Variants in LIMCH1 observed in about 807,000 individuals in gnomAD.
The protein encoded by LIMCH1 is LIM and calponin homology domains 1, also known as LIM and calponin homology domains-containing protein 1.
LIMCH1 carries 113 observed loss-of-function variants against 176.5 expected under a neutral mutation model. That is an observed-to-expected ratio of 0.64 (90% CI 0.55 to 0.75). The LOEUF (loss-of-function observed/expected upper bound fraction) is 0.75, where lower values mean the gene tolerates loss of function less well. Among genes scored for constraint, LIMCH1 ranks in the 30% least tolerant of loss-of-function variants. The pLI, the probability that LIMCH1 is intolerant of heterozygous loss-of-function variation, is 0.00. For synonymous variants in LIMCH1, 619 were observed against 645.9 expected (o/e 0.96, Z 0.63); for missense variants, 1,674 against 1,814.9 (o/e 0.92, Z 1.41).
rs1182835906 is a variant in LIMCH1, at chr4:41,613,520, G to A, written c.64G>A (p.Asp22Asn). Residue 22 changes from aspartate (D) to asparagine (N), a missense_variant, in exon 5 of 32, where the codon GAC (aspartate) becomes AAC (asparagine). Transcript: ENST00000503057. ...KRSIRDSGYI[D>N]CWDSERSDSL... is the part of the protein sequence containing the mutation. ...CAGTATCCGAGACAGTGGCTACATC[G>A]ACTGCTGGGATTCCGAGCGCAGCGA... 3 of 1,613,918 alleles carry A rather than the reference G, an allele frequency of 1.9e-6. No homozygotes were observed. The highest frequency in any genetic ancestry group is 2.2e-5 in the East Asian group (1 of 44,862).
In LIMCH1 at chr4:41,502,088, A is replaced by T. The variant is rs1363507478; in HGVS notation, c.167+7482A>T. On this transcript the variant is annotated intron_variant, in intron 2 of 26. Transcript: ENST00000313860. The stretch of plus-strand genomic sequence containing the variant: ...TCCCCCTGCCACACTGACAGGCCCC[A>T]GTGTGTGTTGTTCCCCCTATTGTCC... 2.8e-5 allele frequency among the ~76,000 whole-genome samples: 3 copies of T among 106,318 alleles called. No individual in the cohort carries two copies. The East Asian group carries it at 8.1e-4, about 29-fold the overall frequency. 69.7% of individuals were successfully genotyped at this position (106,318 alleles called of 152,430 possible).
intron 2 of LIMCH1, chr4:41,524,272 G>T: frequency 1.4e-6 from 1 of 713,748 alleles, no homozygotes. Flanking sequence ...AAGGCTGATA[G>T]ATTATTGAGA....
At chr4:41,401,518 C>CT (rs1176616292) in intron 1 of LIMCH1, among the ~76,000 whole-genome samples, 1 of 152,046 alleles carries the variant, frequency 6.6e-6, no homozygotes, top group Non-Finnish European at 1.5e-5. Flanking sequence ...GATGCGGGCT[C>CT]TTTTTTGGTT....
intron 21 of LIMCH1, 51 bp from the exon 22 acceptor site, chr4:41,671,503 A>G: frequency 6.7e-7 from 1 of 1,490,014 alleles, no homozygotes; most frequent in South Asian, 1.1e-5. Context: ...AAAGACAATT[A>G]GAAAATACTC....
In LIMCH1 at chr4:41,696,010, C is replaced by T. The variant is rs191153950; in HGVS notation, c.4379-1150C>T. ...ATGGATAGATGTGAAGGGTGGTTTACGTCATAGGCATTCTAAGTGAAACAA... is the reference window on the plus strand; with the variant it reads ...ATGGATAGATGTGAAGGGTGGTTTATGTCATAGGCATTCTAAGTGAAACAA... On this transcript the variant is annotated intron_variant, in intron 31 of 31. Transcript: ENST00000503057. Among the ~76,000 whole-genome samples the T allele has an allele frequency of 7.2e-4, 109 of 152,026 alleles. No homozygotes were observed. The South Asian group carries it at 0.015, about 21-fold the overall frequency.
chr4:41,472,993 T>C lies in LIMCH1; in HGVS notation c.97-21543T>C, dbSNP rs77269320. ...GCTGCTGTAAGCCTTTTTTTTTTTT[T>C]CTCCTCGGTAGGCCAGAGAATAAAT... On this transcript the variant is annotated intron_variant, in intron 1 of 26. Transcript: ENST00000313860. 8.2e-6 allele frequency: 8 copies of C among 981,134 alleles called. No individual in the cohort carries two copies. The Middle Eastern group carries it at 2.1e-3, about 253-fold the overall frequency. 60.8% of individuals were successfully genotyped at this position (981,134 alleles called of 1,614,324 possible). A position where few individuals can be genotyped will look rare whatever the true frequency, so the allele number is the denominator to read the frequency against.
intron 1 of LIMCH1, among the ~76,000 whole-genome samples, chr4:41,552,508 C>T (rs574877142): frequency 2.6e-5 from 4 of 152,292 alleles, no homozygotes; most frequent in Admixed American, 2.6e-4. Flanking sequence ...GCTTTCCCTA[C>T]AGGCTCTTGT....
rs756166909 is a variant in LIMCH1 at position 41,490,797 on chromosome 4, G to A, written c.97-3739G>A. Among the ~76,000 whole-genome samples the A allele has an allele frequency of 1.6e-4, 24 of 152,090 alleles. 1 individual carries two copies. The highest frequency in any genetic ancestry group is 7.9e-4 in the Admixed American group (12 of 15,270). ...CGTTCTCGATGATCGCTGTCTCTTC[G>A]GAGCTGTTGGGTACACTTCCCAGAT... On this transcript the variant is annotated intron_variant, in intron 1 of 26. Transcript: ENST00000313860.
intron 1 of LIMCH1, among the ~76,000 whole-genome samples, chr4:41,461,024 G>A (rs2065299963): frequency 6.6e-6 from 1 of 152,084 alleles, no homozygotes; most frequent in African/African-American, 2.4e-5. Context: ...GCAATAATCT[G>A]GTTTGTTTAT....
rs1487967229 is a variant in LIMCH1, at chr4:41,662,733, G to A, written c.3128-88G>A. On this transcript the variant is annotated intron_variant, in intron 19 of 31. Coordinates refer to ENST00000503057, the MANE Select transcript of LIMCH1 (RefSeq NM_001330672.2). ...TGCCAGGACGGGATATGGACTGAATGTACTTCATGGCATTGCAGAATAAAT... is the reference window on the plus strand; with the variant it reads ...TGCCAGGACGGGATATGGACTGAATATACTTCATGGCATTGCAGAATAAAT... 81 of 1,372,586 alleles carry A rather than the reference G, an allele frequency of 5.9e-5. No individual in the cohort carries two copies. In the South Asian group the frequency reaches 9.2e-4, roughly 16 times the overall value. The allele number at this position is 1,372,586 out of a possible 1,614,324, so 85.0% of individuals were successfully genotyped here.
intron 22 of LIMCH1, among the ~76,000 whole-genome samples, chr4:41,672,804 T>A (rs756692019): frequency 1.1e-4 from 17 of 152,338 alleles, no homozygotes; most frequent in Middle Eastern, 3.4e-3. Flanking sequence ...CAACCCTGGC[T>A]CAGCCACATA....
chr4:41,668,449 T>C (rs568325344), intron 21 of LIMCH1, among the ~76,000 whole-genome samples: 5 of 151,768 alleles, frequency 3.3e-5, no homozygotes, highest in African/African-American at 4.8e-5. Context: ...AGATAAGTGG[T>C]ATAGAGAGGG....
intron 16 of LIMCH1, 47 bp downstream of exon 16, chr4:41,646,327 GTT>G: frequency 7.2e-7 from 1 of 1,383,114 alleles, no homozygotes; most frequent in Admixed American, 2.4e-5. Context: ...TTATCTAGGT[GTT>G]TTTTTTTTCT....
At chr4:41,518,002 G>A (rs943024422) in intron 2 of LIMCH1, among the ~76,000 whole-genome samples, 3 of 152,150 alleles carry the variant, frequency 2.0e-5, no homozygotes, top group Non-Finnish European at 4.4e-5. Flanking sequence ...ATCTCTTGTT[G>A]CAAAGAATAA....
intron 4 of LIMCH1, chr4:41,612,992 G>C: frequency 6.5e-7 from 1 of 1,550,370 alleles, no homozygotes; most frequent in South Asian, 1.2e-5. Context: ...GACAAATGTT[G>C]CCTGTATTTG....
intron 4 of LIMCH1, chr4:41,613,239 TA>T: frequency 3.2e-6 from 3 of 927,128 alleles, no homozygotes; most frequent in Non-Finnish European, 4.9e-6. Context: ...GGGATTTTTT[TA>T]AAAAAAACGT....
chr4:41,516,839 G>C (rs754602384), intron 2 of LIMCH1, among the ~76,000 whole-genome samples: 6 of 152,154 alleles, frequency 3.9e-5, no homozygotes, highest in Non-Finnish European at 8.8e-5. Context: ...TCCTTCTGCT[G>C]CCATCCCAGC....
chr4:41,432,662 G>A (rs2061703965), intron 1 of LIMCH1, among the ~76,000 whole-genome samples: 2 of 152,082 alleles, frequency 1.3e-5, no homozygotes, highest in South Asian at 4.1e-4. Flanking sequence ...CATTTCCTAA[G>A]GTAAACATTA....
At chr4:41,442,594 T>C (rs1010234759) in intron 1 of LIMCH1, among the ~76,000 whole-genome samples, 1 of 152,232 alleles carries the variant, frequency 6.6e-6, no homozygotes, top group South Asian at 2.1e-4. Context: ...CCATTGTGGG[T>C]TGAAATCACC....
Sources: gnomAD v4.1 joint callset for allele counts (sites outside exome capture counted in the v4.1 genomes callset) on GRCh38, gnomAD v4.1.1 for gene constraint, MANE v1.5 for transcripts, NCBI Gene and HGNC (gene_info 2026-07-23, HGNC 2026-07-21) for gene names.